ADAMTS12: variants seen among roughly 807,000 people sequenced by gnomAD.
The protein encoded by ADAMTS12 is ADAM metallopeptidase with thrombospondin type 1 motif 12, also known as A disintegrin and metalloproteinase with thrombospondin motifs 12.
A neutral mutation model predicts 167.8 loss-of-function variants in ADAMTS12; 118 were observed. The ratio of observed to expected loss-of-function variants is 0.70; its 90% CI spans 0.61 to 0.82. The LOEUF is 0.82. Among genes scored for constraint, ADAMTS12 ranks in the 40% least tolerant of loss-of-function variants. ADAMTS12 has a pLI of 0.00. For synonymous variants in ADAMTS12, 704 were observed against 716.9 expected (o/e 0.98, Z 0.29); for missense variants, 1,916 against 1,998.8 (o/e 0.96, Z 0.79).
chr5:33,736,282 C>T lies in ADAMTS12; in HGVS notation c.634+15122G>A, dbSNP rs188592667. Among the ~76,000 whole-genome samples the T allele has an allele frequency of 6.8e-4, 104 of 152,190 alleles. 1 individual carries two copies. Among genetic ancestry groups the T allele is most frequent in the Non-Finnish European group, 4.9e-4 (33 of 68,016 alleles). ...TTCACCATATTGGCCAGGCTGGTCTCGAACTCCTGACCTCAGTTGATCCAC... is the reference window on the plus strand; with the variant it reads ...TTCACCATATTGGCCAGGCTGGTCTTGAACTCCTGACCTCAGTTGATCCAC... On this transcript the variant is annotated intron_variant, in intron 3 of 23. Coordinates refer to ENST00000504830, the MANE Select transcript of ADAMTS12 (RefSeq NM_030955.4).
At chr5:33,604,258 G>T (rs1217301735) in intron 16 of ADAMTS12, among the ~76,000 whole-genome samples, 1 of 152,042 alleles carries the variant, frequency 6.6e-6, no homozygotes, top group African/African-American at 2.4e-5. Flanking sequence ...TCATCTGAAG[G>T]AGCAGGAATG....
At chr5:33,753,097 A>G (rs1023471723) in intron 2 of ADAMTS12, among the ~76,000 whole-genome samples, 9 of 152,198 alleles carry the variant, frequency 5.9e-5, no homozygotes, top group African/African-American at 1.9e-4. Context: ...TGAGGCACAA[A>G]GTCCTCTTCT....
chr5:33,720,950 T>C (rs1246647649), intron 3 of ADAMTS12, among the ~76,000 whole-genome samples: 1 of 152,176 alleles, frequency 6.6e-6, no homozygotes, highest in Non-Finnish European at 1.5e-5. Flanking sequence ...GCAACACTAG[T>C]TTTATAGCCC....
rs1276583451 is a variant in ADAMTS12, at chr5:33,883,337, T to G, written c.128-1857A>C. Among the ~76,000 whole-genome samples, 14 of 149,312 alleles carry G rather than the reference T, an allele frequency of 9.4e-5. No homozygotes were observed. The East Asian group carries it at 1.2e-3, about 13-fold the overall frequency. On this transcript the variant is annotated intron_variant, in intron 1 of 23. Transcript: ENST00000504830. ...TTTGGTTTTTTTTTTGTTTTTTTTTTTTTTGTTTTTTTTTTTTCCAGGCAA... is the reference window on the plus strand; with the variant it reads ...TTTGGTTTTTTTTTTGTTTTTTTTTGTTTTGTTTTTTTTTTTTCCAGGCAA...
At chr5:33,749,467 G>C (rs1225224958) in intron 3 of ADAMTS12, among the ~76,000 whole-genome samples, 2 of 151,984 alleles carry the variant, frequency 1.3e-5, no homozygotes, top group African/African-American at 2.4e-5. Flanking sequence ...TTCTAGTAGA[G>C]CTGTTCAATT....
chr5:33,712,421 G>A (rs13362069), intron 3 of ADAMTS12, among the ~76,000 whole-genome samples: 3 of 151,862 alleles, frequency 2.0e-5, no homozygotes, highest in Admixed American at 6.6e-5. Flanking sequence ...GCAGGGAGAA[G>A]AACTGCATAG....
At chr5:33,660,123 C>A (rs149441762) in intron 6 of ADAMTS12, among the ~76,000 whole-genome samples, 64 of 152,296 alleles carry the variant, frequency 4.2e-4, no homozygotes, top group Non-Finnish European at 8.2e-4. Flanking sequence ...TGCTATAGAA[C>A]TTGAAATGCT....
At chr5:33,771,180 C>T (rs1745725598) in intron 2 of ADAMTS12, among the ~76,000 whole-genome samples, 1 of 152,156 alleles carries the variant, frequency 6.6e-6, no homozygotes, top group African/African-American at 2.4e-5. Flanking sequence ...CTACCCAACA[C>T]ATGATAGACA....
chr5:33,725,916 G>T lies in ADAMTS12; in HGVS notation c.634+25488C>A, dbSNP rs538652379. ...TCTGCAACTTAACAAATTCCCCGGG[G>T]GATTCTGATGCACACTCTCGTGCGA... On this transcript the variant is annotated intron_variant, in intron 3 of 23. Coordinates refer to ENST00000504830, the MANE Select transcript of ADAMTS12 (RefSeq NM_030955.4). Among the ~76,000 whole-genome samples, 21 of 152,262 alleles carry T rather than the reference G, an allele frequency of 1.4e-4. No homozygotes were observed. In the East Asian group the frequency reaches 1.7e-3, roughly 13 times the overall value.
intron 3 of ADAMTS12, among the ~76,000 whole-genome samples, chr5:33,716,370 T>C (rs1743616409): frequency 6.6e-6 from 1 of 152,194 alleles, no homozygotes; most frequent in South Asian, 2.1e-4. Context: ...AAGACTGTTT[T>C]CTTATGGCAA....
chr5:33,526,956 T>C lies in ADAMTS12; in HGVS notation c.*232A>G. On this transcript the variant is annotated 3_prime_UTR_variant, in exon 24 of 24. Transcript: ENST00000504830. ...CCAGGAGCCGATACCAGGTGCTGCC[T>C]GATTCTCCTAGCTATTTCACCTTCC... 2.0e-6 allele frequency: 1 copy of C among 508,004 alleles called. No individual in the cohort carries two copies. Among genetic ancestry groups the C allele is most frequent in the South Asian group, 3.0e-5 (1 of 32,948 alleles). The allele number at this position is 508,004 out of a possible 1,614,324, so 31.5% of individuals were successfully genotyped here.
Position 33,653,441 on chromosome 5 carries a change from A to T in ADAMTS12, c.1191-3744T>A, listed in dbSNP as rs140959627. Among the ~76,000 whole-genome samples the T allele has an allele frequency of 2.0e-5, 3 of 152,200 alleles. No homozygotes were observed. In the East Asian group the frequency reaches 5.8e-4, roughly 29 times the overall value. ...GCTAATATTTTGTTAATTTTTTTAC[A>T]TCTATATTCCTGAAGGATATTGTTC... On this transcript the variant is annotated intron_variant, in intron 7 of 23. Transcript: ENST00000504830.
intron 19 of ADAMTS12, among the ~76,000 whole-genome samples, chr5:33,572,259 T>C (rs1317183054): frequency 1.3e-5 from 2 of 151,936 alleles, no homozygotes; most frequent in East Asian, 1.9e-4. Flanking sequence ...GAGGCCAGCA[T>C]CATCCTGATA....
At position 33,751,509 on chromosome 5, in the gene ADAMTS12, C is replaced by A; in HGVS notation, c.529G>T (p.Glu177Ter). ...ACCAGTGGATGCTTCTTCACGGGTTCAATGAAAAAGTCTCCATGTGGTAGT... is the reference window on the plus strand; with the variant it reads ...ACCAGTGGATGCTTCTTCACGGGTTAAATGAAAAAGTCTCCATGTGGTAGT... ...FQLPHGDFFIEPVKKHPLVEG... is the reference protein window; with the variant it reads ...FQLPHGDFFI Residue 177 changes from glutamate to a stop codon, truncating the protein, a stop_gained, in exon 3 of 24, where the codon GAA becomes TAA. Coordinates refer to ENST00000504830, the MANE Select transcript of ADAMTS12 (RefSeq NM_030955.4). LOFTEE classifies it high-confidence loss of function. The A allele has an allele frequency of 6.2e-7, 1 of 1,613,682 alleles. No individual in the cohort carries two copies. The highest frequency in any genetic ancestry group is 8.5e-7 in the Non-Finnish European group (1 of 1,179,920).
intron 2 of ADAMTS12, among the ~76,000 whole-genome samples, chr5:33,813,549 A>G (rs1054614248): frequency 6.6e-6 from 1 of 152,226 alleles, no homozygotes; most frequent in Admixed American, 6.5e-5. Flanking sequence ...AGTAGAATAC[A>G]GTAGAAATTA....
chr5:33,565,801 T>C (rs778482026), intron 19 of ADAMTS12, among the ~76,000 whole-genome samples: 2 of 152,134 alleles, frequency 1.3e-5, no homozygotes, highest in Non-Finnish European at 2.9e-5. Flanking sequence ...TCAAAACGTG[T>C]TAATTAACCT....
intron 2 of ADAMTS12, among the ~76,000 whole-genome samples, chr5:33,874,243 C>G (rs28896471): frequency 6.6e-6 from 1 of 152,068 alleles, no homozygotes; most frequent in Admixed American, 6.6e-5. Flanking sequence ...AAATTAGCAA[C>G]CTGATTAAAA....
intron 2 of ADAMTS12, among the ~76,000 whole-genome samples, chr5:33,826,383 T>C (rs1469542364): frequency 6.6e-6 from 1 of 152,048 alleles, no homozygotes; most frequent in African/African-American, 2.4e-5. Flanking sequence ...AAAATAGTAA[T>C]ATTAATACTA....
intron 3 of ADAMTS12, among the ~76,000 whole-genome samples, chr5:33,732,360 TA>T (rs570192600): frequency 2.0e-5 from 3 of 152,028 alleles, no homozygotes; most frequent in South Asian, 2.1e-4. Context: ...TAAGAAGAGA[TA>T]AAAAAATTAA....
Sources: allele counts gnomAD v4.1 joint callset (sites outside exome capture counted in the v4.1 genomes callset), GRCh38; gene constraint gnomAD v4.1.1; transcripts MANE v1.5; gene names NCBI Gene and HGNC (gene_info 2026-07-23, HGNC 2026-07-21).